The following NALF1 variants were observed in gnomAD, a reference collection of about 807,000 sequenced individuals.
NALF1 encodes the protein family with sequence similarity 155 member A.
In NALF1, 3 loss-of-function variants were observed where a neutral mutation model predicts 48.4. The observed-to-expected ratio is 0.06, with a 90% CI of 0.03 to 0.16. NALF1 has a LOEUF of 0.16. NALF1 is among the 10% of genes least tolerant of loss of function. The pLI, the probability that NALF1 is intolerant of heterozygous loss-of-function variation, is 1.00. For missense variants in NALF1, 526 were observed against 571.5 expected, an observed-to-expected ratio of 0.92 and a Z score of 0.81; for synonymous variants, 262 against 245.7, an observed-to-expected ratio of 1.07 and a Z score of -0.62.
chr13:107,239,477 A>C (rs552398425), intron 1 of NALF1, among the ~76,000 whole-genome samples: 1 of 152,270 alleles, frequency 6.6e-6, no homozygotes, highest in South Asian at 2.1e-4. Context: ...GCCCATCCTA[A>C]AGACATCATT....
rs549989426 is a variant in NALF1 at position 107,500,508 on chromosome 13, A to G, written c.916-289753T>C. Among the ~76,000 whole-genome samples the G allele has an allele frequency of 4.0e-4, 61 of 151,216 alleles. No individual in the cohort carries two copies. In the South Asian group the frequency reaches 0.012, roughly 30 times the overall value. ...GGAACACTTTTACACTGTTGGTGGG[A>G]CTGTAAACTAGTTCAACCATTGTGG... is the stretch of plus-strand genomic sequence containing the variant. On this transcript the variant is annotated intron_variant, in intron 1 of 2. Transcript: ENST00000375915.
intron 1 of NALF1, among the ~76,000 whole-genome samples, chr13:107,838,835 T>C (rs1221878246): frequency 3.9e-5 from 6 of 152,286 alleles, no homozygotes; most frequent in African/African-American, 1.4e-4. Flanking sequence ...AGTTCGGGGA[T>C]GTTTTGAGTA....
At chr13:107,781,837 T>C (rs1307998672) in intron 1 of NALF1, among the ~76,000 whole-genome samples, 1 of 152,190 alleles carries the variant, frequency 6.6e-6, no homozygotes, top group Non-Finnish European at 1.5e-5. Context: ...GGACAACTAA[T>C]ACAAGTTTTA....
chr13:107,491,867 G>T (rs1875135107), intron 1 of NALF1, among the ~76,000 whole-genome samples: 1 of 151,954 alleles, frequency 6.6e-6, no homozygotes, highest in African/African-American at 2.4e-5. Context: ...AGGAGTAAAA[G>T]AGAGGAAATA....
intron 1 of NALF1, among the ~76,000 whole-genome samples, chr13:107,793,279 T>C (rs1020304802): frequency 1.3e-5 from 2 of 152,090 alleles, no homozygotes; most frequent in Non-Finnish European, 2.9e-5. Flanking sequence ...TTAGAAGAAA[T>C]AGTTATCCGT....
chr13:107,494,903 A>G (rs923050658), intron 1 of NALF1, among the ~76,000 whole-genome samples: 4 of 152,224 alleles, frequency 2.6e-5, no homozygotes, highest in African/African-American at 9.6e-5. Flanking sequence ...GGCATTGTGA[A>G]GAACAGAATG....
At chr13:107,700,570 G>A (rs1185610759) in intron 1 of NALF1, among the ~76,000 whole-genome samples, 2 of 151,932 alleles carry the variant, frequency 1.3e-5, no homozygotes, top group Non-Finnish European at 2.9e-5. Context: ...ATTGGCCTTG[G>A]CAATGATTTC....
At chr13:107,594,896 T>TA (rs1335955271) in intron 1 of NALF1, among the ~76,000 whole-genome samples, 2 of 151,984 alleles carry the variant, frequency 1.3e-5, no homozygotes, top group African/African-American at 4.8e-5. Context: ...AATTAAAAAT[T>TA]AAAAAAATAG....
intron 1 of NALF1, among the ~76,000 whole-genome samples, chr13:107,251,399 G>A (rs1182114798): frequency 6.6e-6 from 1 of 152,114 alleles, no homozygotes; most frequent in South Asian, 2.1e-4. Context: ...TTCCATTTTT[G>A]TCTCAGTTTT....
intron 1 of NALF1, among the ~76,000 whole-genome samples, chr13:107,584,514 T>C (rs553456200): frequency 6.6e-6 from 1 of 152,306 alleles, no homozygotes; most frequent in African/African-American, 2.4e-5. Context: ...GATTAATATG[T>C]TAAAGATGGA....
intron 1 of NALF1, among the ~76,000 whole-genome samples, chr13:107,285,853 C>A (rs1881482757): frequency 6.6e-6 from 1 of 151,680 alleles, no homozygotes; most frequent in Non-Finnish European, 1.5e-5. Context: ...TGAAAGTGTC[C>A]AACCTGAATA....
At chr13:107,429,322 G>GAA (rs11374947) in intron 1 of NALF1, among the ~76,000 whole-genome samples, 123 of 135,762 alleles carry the variant, frequency 9.1e-4, no homozygotes, top group Non-Finnish European at 1.1e-3. Flanking sequence ...AACTCAGTCT[G>GAA]AAAAAAAAAA....
At chr13:107,689,529 G>C (rs139624684) in intron 1 of NALF1, among the ~76,000 whole-genome samples, 102 of 152,224 alleles carry the variant, frequency 6.7e-4, no homozygotes, top group African/African-American at 2.2e-3. Context: ...TGGCCAAATG[G>C]AGTTTCAAGA....
chr13:107,608,619 C>A (rs760646601), intron 1 of NALF1, among the ~76,000 whole-genome samples: 41 of 152,134 alleles, frequency 2.7e-4, no homozygotes, highest in Non-Finnish European at 1.5e-4. Context: ...TGGTGACATA[C>A]AGCTAATTCT....
chr13:107,224,376 T>C (rs370866128), intron 1 of NALF1, among the ~76,000 whole-genome samples: 1 of 150,660 alleles, frequency 6.6e-6, no homozygotes, highest in Non-Finnish European at 1.5e-5. Context: ...CAATAAGATA[T>C]GTCATTGTAT....
intron 2 of NALF1, among the ~76,000 whole-genome samples, chr13:107,192,928 G>A (rs541796579): frequency 6.6e-6 from 1 of 151,924 alleles, no homozygotes; most frequent in South Asian, 2.1e-4. Context: ...GTAAGTACAT[G>A]GAAATAAGTA....
intron 1 of NALF1, among the ~76,000 whole-genome samples, chr13:107,282,417 G>A (rs1881406505): frequency 6.6e-6 from 1 of 152,212 alleles, no homozygotes; most frequent in Admixed American, 6.5e-5. Flanking sequence ...ATGAATAGGA[G>A]AGGGAGAATT....
intron 1 of NALF1, among the ~76,000 whole-genome samples, chr13:107,525,750 A>T (rs964515560): frequency 5.9e-5 from 9 of 152,122 alleles, no homozygotes; most frequent in Admixed American, 3.9e-4. Flanking sequence ...TCAACAATGC[A>T]CGAGAGATCT....
rs1566512228 is a variant in NALF1, at chr13:107,866,956, C to CT, written c.-361dup. ...CTGGTGCTGGTGGCCGGCGGCGAGG[C>CT]TGGGTGCAGGGGGCGATGGTGGAGG... On this transcript the variant is annotated 5_prime_UTR_variant, in exon 1 of 3. Coordinates refer to ENST00000375915, the MANE Select transcript of NALF1 (RefSeq NM_001080396.3). This position sits in a 1 kb window ranked among gnomAD's most constrained non-coding sequence, Gnocchi z 4.4. Among the ~76,000 whole-genome samples the CT allele has an allele frequency of 2.0e-5, 3 of 151,882 alleles. No individual in the cohort carries two copies. In the South Asian group the frequency reaches 6.3e-4, roughly 32 times the overall value.
Sources: gnomAD v4.1 joint callset for allele counts (sites outside exome capture counted in the v4.1 genomes callset) on GRCh38, gnomAD v4.1.1 for gene constraint, Gnocchi (gnomAD v3.1) non-coding constraint, MANE v1.5 for transcripts, NCBI Gene and HGNC (gene_info 2026-07-23, HGNC 2026-07-21) for gene names.